Variants in SNED1 observed in about 807,000 individuals in gnomAD.
SNED1 encodes the protein sushi, nidogen and EGF like domains 1.
SNED1 carries 81 observed loss-of-function variants against 166.7 expected under a neutral mutation model. That is an observed-to-expected ratio of 0.49 (90% CI 0.41 to 0.58). SNED1 has a LOEUF of 0.58. SNED1 is among the 20% of genes least tolerant of loss of function. The pLI is 0.00. For missense variants in SNED1, 1,604 were observed against 2,000.2 expected (o/e 0.80, Z 3.78); for synonymous variants, 762 against 822.0 (o/e 0.93, Z 1.25).
chr2:241,017,972 G>A (rs2060649160), intron 1 of SNED1, among the ~76,000 whole-genome samples: 1 of 152,180 alleles, frequency 6.6e-6, no homozygotes, highest in South Asian at 2.1e-4. Flanking sequence ...ACTCGTCCTG[G>A]TTTATCCGGA....
At chr2:241,045,921 G>A (rs2061633156) in intron 8 of SNED1, among the ~76,000 whole-genome samples, 1 of 152,174 alleles carries the variant, frequency 6.6e-6, no homozygotes, top group African/African-American at 2.4e-5. Flanking sequence ...CAAAGGACTT[G>A]TGATCAGAAT....
chr2:241,009,481 A>G (rs940092988), intron 1 of SNED1, among the ~76,000 whole-genome samples: 6 of 152,094 alleles, frequency 3.9e-5, no homozygotes, highest in Non-Finnish European at 7.4e-5. Context: ...CTGTCAACAC[A>G]AGGAAGCAGA....
chr2:241,090,182 A>G (rs769746706), intron 31 of SNED1: 1 of 1,464,984 alleles, frequency 6.8e-7, no homozygotes, highest in Non-Finnish European at 9.0e-7. Context: ...TTCTGTCCTT[A>G]GTGCTTTTCT....
chr2:241,067,000 G>T (rs2062482939), intron 21 of SNED1, among the ~76,000 whole-genome samples: 2 of 152,356 alleles, frequency 1.3e-5, no homozygotes, highest in East Asian at 3.9e-4. Flanking sequence ...GCAGGTGTCA[G>T]CAGGAGCTGC....
intron 16 of SNED1, among the ~76,000 whole-genome samples, chr2:241,057,387 AT>A (rs2062085189): frequency 2.1e-5 from 1 of 47,264 alleles, no homozygotes; most frequent in Admixed American, 2.1e-4. Flanking sequence ...CAAAATATAT[AT>A]ATATATATAT....
intron 2 of SNED1, 73 bp downstream of exon 2, chr2:241,030,644 C>T: frequency 6.8e-7 from 1 of 1,480,628 alleles, no homozygotes; most frequent in Non-Finnish European, 9.2e-7. Context: ...ACCAGGGCTC[C>T]CTCTTGCTGA....
chr2:241,056,675 G>T (rs2062052328), intron 16 of SNED1, among the ~76,000 whole-genome samples: 1 of 140,356 alleles, frequency 7.1e-6, no homozygotes, highest in Admixed American at 7.9e-5. Flanking sequence ...CCGCCTCCTG[G>T]GTTCACGCCA....
Position 241,062,847 on chromosome 2 carries a change from G to A in SNED1, c.2314G>A (p.Val772Ile), listed in dbSNP as rs1470485192. Residue 772 changes from valine to isoleucine, a missense_variant, in exon 17 of 32, where the codon GTT becomes ATT. This residue lies in a region of SNED1 where 1,237 missense variants were observed against 1,620.8 expected (regional missense o/e 0.76). Transcript: ENST00000310397. ...CLHGGSCQDR[V>I]AGYLCLCSTG... ...GCATGGGGGCTCTTGTCAGGACCGC[G>A]TTGCTGGGTACCTGTGCCTCTGCAG... is the stretch of plus-strand genomic sequence containing the variant. 5.0e-6 allele frequency: 8 copies of A among 1,611,702 alleles called. No individual in the cohort carries two copies. The highest frequency in any genetic ancestry group is 1.1e-5 in the South Asian group (1 of 90,378).
At position 241,068,685 on chromosome 2, in the gene SNED1, C is replaced by T. The variant is rs549657230; in HGVS notation, c.3195-226C>T. 3.9e-5 allele frequency among the ~76,000 whole-genome samples: 6 copies of T among 152,152 alleles called. No homozygotes were observed. Among genetic ancestry groups the T allele is most frequent in the Admixed American group, 3.3e-4 (5 of 15,290 alleles). On this transcript the variant is annotated intron_variant, in intron 22 of 31. Transcript: ENST00000310397. This position sits in a 1 kb window ranked among gnomAD's most constrained non-coding sequence, Gnocchi z 5.3. ...CTGACCATACTGTAGCAGCCCCAAGCGCACCCGATCCTCCTCCGCTGCCCG... is the reference window on the plus strand; with the variant it reads ...CTGACCATACTGTAGCAGCCCCAAGTGCACCCGATCCTCCTCCGCTGCCCG...
At chr2:241,054,269 C>A (rs987410456) in intron 16 of SNED1, among the ~76,000 whole-genome samples, 1 of 152,160 alleles carries the variant, frequency 6.6e-6, no homozygotes, top group Non-Finnish European at 1.5e-5. Flanking sequence ...ATCGAGACAC[C>A]TGAAAAGTAC....
At position 241,030,363 on chromosome 2, in the gene SNED1, G is replaced by C. The variant is rs943491932; in HGVS notation, c.293G>C (p.Arg98Pro). 1 of 1,611,214 alleles carries C rather than the reference G, an allele frequency of 6.2e-7. No homozygotes were observed. ...GTGGCCTTCCCCATTGCCAAGGACC[G>C]CTGCGTGGTGGCAGCCTTCTGGGCA... ...TPVAFPIAKDRCVVAAFWADV... is the reference protein window; with the variant it reads ...TPVAFPIAKDPCVVAAFWADV... Residue 98 changes from arginine (R) to proline (P), a missense_variant, in exon 2 of 32, where the codon CGC (arginine) becomes CCC (proline). By Grantham distance (103) the Arg-to-Pro change is moderately radical. Around this residue, in one of 2 missense-constraint regions of SNED1, gnomAD observed 1,237 missense variants for 1,620.8 expected, o/e 0.76. Coordinates refer to ENST00000310397, the MANE Select transcript of SNED1 (RefSeq NM_001080437.3).
chr2:241,073,398 T>G lies in SNED1; in HGVS notation c.3916+34T>G. On this transcript the variant is annotated intron_variant, in intron 27 of 31. Coordinates refer to ENST00000310397, the MANE Select transcript of SNED1 (RefSeq NM_001080437.3). This position sits in a 1 kb window ranked among gnomAD's most constrained non-coding sequence, Gnocchi z 6.6. ...GCAGCGCTGGTGGGGACTTTGGGACTGACTGACTGCTCTCAGGGGCCTTAG... is the reference window on the plus strand; with the variant it reads ...GCAGCGCTGGTGGGGACTTTGGGACGGACTGACTGCTCTCAGGGGCCTTAG... The G allele has an allele frequency of 1.3e-6, 2 of 1,509,300 alleles. No homozygotes were observed. Among genetic ancestry groups the G allele is most frequent in the Non-Finnish European group, 1.8e-6 (2 of 1,108,426 alleles). The allele number at this position is 1,509,300 out of a possible 1,614,324, so 93.5% of individuals were successfully genotyped here.
chr2:241,063,929 C>T, intron 18 of SNED1, 83 bp from the exon 19 acceptor site: 1 of 1,100,660 alleles, frequency 9.1e-7, no homozygotes, highest in Non-Finnish European at 1.3e-6. Flanking sequence ...TAGACTCCTC[C>T]TTTCCCTTCT....
At chr2:241,078,950 C>T (rs1311793594) in intron 27 of SNED1, among the ~76,000 whole-genome samples, 1 of 150,548 alleles carries the variant, frequency 6.6e-6, no homozygotes, top group African/African-American at 2.4e-5. Context: ...CCTGTCTCTA[C>T]TAAAAATACA....
rs1255603466 is a variant in SNED1, at chr2:241,064,545, C to T, written c.2600-299C>T. Among the ~76,000 whole-genome samples the T allele has an allele frequency of 1.3e-5, 2 of 152,204 alleles. No individual in the cohort carries two copies. Among genetic ancestry groups the T allele is most frequent in the African/African-American group, 4.8e-5 (2 of 41,454 alleles). The stretch of plus-strand genomic sequence containing the variant: ...CTGATGAGGCTTCCCTGACCACTGA[C>T]CTCCCCTCCTCAAGCAGGACTGTCA... On this transcript the variant is annotated intron_variant, in intron 19 of 31. Coordinates refer to ENST00000310397, the MANE Select transcript of SNED1 (RefSeq NM_001080437.3). This position sits in a 1 kb window ranked among gnomAD's most constrained non-coding sequence, Gnocchi z 7.0.
chr2:241,058,267 A>G (rs1212733904), intron 16 of SNED1, among the ~76,000 whole-genome samples: 1 of 152,204 alleles, frequency 6.6e-6, no homozygotes, highest in African/African-American at 2.4e-5. Flanking sequence ...TCAAGCATCT[A>G]ATACAATAAT....
At position 241,049,843 on chromosome 2, in the gene SNED1, C is replaced by T. The variant is rs1160979951; in HGVS notation, c.1645C>T (p.Pro549Ser). 1.2e-6 allele frequency: 2 copies of T among 1,613,728 alleles called. No individual in the cohort carries two copies. The highest frequency in any genetic ancestry group is 1.7e-6 in the Non-Finnish European group (2 of 1,179,794). ...CCTGCCATCACCCTGCGACTCGGAC[C>T]CCTGCTTCAACGGAGGCTCCTGCGA... ...HSLPSPCDSD[P>S]CFNGGSCDAH... is the part of the protein sequence containing the mutation. Residue 549 changes from proline to serine, a missense_variant, in exon 12 of 32, where the codon CCC becomes TCC. By Grantham distance (74) the Pro-to-Ser change is moderately conservative. Transcript: ENST00000310397.
intron 1 of SNED1, among the ~76,000 whole-genome samples, chr2:241,003,350 G>A (rs1574832317): frequency 1.3e-5 from 2 of 152,190 alleles, no homozygotes; most frequent in South Asian, 2.1e-4. Context: ...TGGTGCCCTG[G>A]TGAAGGACTC....
rs560255911 is a variant in SNED1, at chr2:241,073,183, T to A, written c.3818-83T>A. On this transcript the variant is annotated intron_variant, in intron 26 of 31. Coordinates refer to ENST00000310397, the MANE Select transcript of SNED1 (RefSeq NM_001080437.3). The surrounding 1 kb of genome is among the most constrained non-coding windows in gnomAD (Gnocchi z 6.6). ...AGGGACATCCGTGCTCCCTGAGATA[T>A]AGAAGCACTCAAAAGGGTGGCCCCA... 5.1e-6 allele frequency: 5 copies of A among 980,404 alleles called. No homozygotes were observed. In the East Asian group the frequency reaches 1.3e-4, roughly 26 times the overall value. The allele number at this position is 980,404 out of a possible 1,614,324, so 60.7% of individuals were successfully genotyped here.
Sources: allele counts gnomAD v4.1 joint callset (sites outside exome capture counted in the v4.1 genomes callset), GRCh38; gene constraint gnomAD v4.1.1; regional missense constraint gnomAD v4.1.1; non-coding constraint Gnocchi (gnomAD v3.1); transcripts MANE v1.5; gene names NCBI Gene and HGNC (gene_info 2026-07-23, HGNC 2026-07-21).